Variants in GATA4 observed in about 807,000 individuals in gnomAD.
GATA4 encodes the protein GATA binding protein 4, also known as transcription factor GATA-4.
A neutral mutation model predicts 37.9 loss-of-function variants in GATA4; 7 were observed. The observed-to-expected ratio is 0.18, with a 90% CI of 0.11 to 0.35. The LOEUF (loss-of-function observed/expected upper bound fraction) is 0.35. Among genes scored for constraint, GATA4 ranks in the 10% least tolerant of loss-of-function variants. The pLI, the probability that GATA4 is intolerant of heterozygous loss-of-function variation, is 1.00. For synonymous variants in GATA4, 372 were observed against 292.6 expected (o/e 1.27, Z -2.77); for missense variants, 647 against 653.0 (o/e 0.99, Z 0.10).
chr8:11,681,291 C>T lies in GATA4; in HGVS notation c.-274+4228C>T, dbSNP rs1287465669. On this transcript the variant is annotated intron_variant, in intron 1 of 6. Transcript: ENST00000528712. ...TCCCAGGCCTCCGCACGCTGAGGTT[C>T]CGGGGAAGAGCACTGTCTTCACCAC... The T allele has an allele frequency of 5.1e-6, 5 of 985,454 alleles. No individual in the cohort carries two copies. In the East Asian group the frequency reaches 5.7e-4, roughly 112 times the overall value. 61.0% of individuals were successfully genotyped at this position (985,454 alleles called of 1,614,324 possible).
At chr8:11,696,234 T>C (rs909940845) in intron 1 of GATA4, among the ~76,000 whole-genome samples, 1 of 152,184 alleles carries the variant, frequency 6.6e-6, no homozygotes, top group Non-Finnish European at 1.5e-5. Context: ...ATGAGAATAG[T>C]CCCAGCGCCC....
At chr8:11,740,195 C>T (rs1274214239) in intron 2 of GATA4, among the ~76,000 whole-genome samples, 2 of 152,162 alleles carry the variant, frequency 1.3e-5, no homozygotes, top group African/African-American at 4.8e-5. Context: ...CTGCGTGTGG[C>T]TTTTCTGGAA....
At position 11,759,640 on chromosome 8, in the gene GATA4, G is replaced by T. The variant is rs534277520; in HGVS notation, c.*1165G>T. 2 of 152,494 alleles carry T rather than the reference G, an allele frequency of 1.3e-5. No individual in the cohort carries two copies. Among genetic ancestry groups the T allele is most frequent in the South Asian group, 2.1e-4 (1 of 4,828 alleles). The allele number at this position is 152,494 out of a possible 1,614,324, so 9.4% of individuals were successfully genotyped here. On this transcript the variant is annotated 3_prime_UTR_variant, in exon 7 of 7. Coordinates refer to ENST00000532059, the MANE Select transcript of GATA4 (RefSeq NM_001308093.3). ...ACGACTGCTAAGACACGGCAGGGGG[G>T]CCTGGAGGGAGCCTCCGACTCTGAG...
chr8:11,692,730 G>T, intron 1 of GATA4: 1 of 984,400 alleles, frequency 1.0e-6, no homozygotes, highest in East Asian at 1.1e-4. Context: ...GAGAGCAGGC[G>T]CCGGGACCCA....
At chr8:11,739,074 T>A (rs1222127632) in intron 2 of GATA4, among the ~76,000 whole-genome samples, 1 of 152,206 alleles carries the variant, frequency 6.6e-6, no homozygotes, top group Non-Finnish European at 1.5e-5. Flanking sequence ...GGGACCGAGG[T>A]GGAAAAAGTA....
intron 2 of GATA4, among the ~76,000 whole-genome samples, chr8:11,719,102 G>A (rs1800557490): frequency 6.6e-6 from 1 of 152,160 alleles, no homozygotes; most frequent in Non-Finnish European, 1.5e-5. Flanking sequence ...TCTGATAAAA[G>A]TTTGCTAGTT....
In GATA4 at chr8:11,737,501, A is replaced by C. The variant is rs144817421; in HGVS notation, c.617-11415A>C. Among the ~76,000 whole-genome samples the C allele has an allele frequency of 1.4e-4, 21 of 152,392 alleles. No individual in the cohort carries two copies. In the East Asian group the frequency reaches 2.5e-3, roughly 18 times the overall value. ...AGAGTCAAATGGCCCAGACTAGCCC[A>C]GCTTAAGTCTCCTCTGGCCAAAGCT... On this transcript the variant is annotated intron_variant, in intron 2 of 6. Coordinates refer to ENST00000532059, the MANE Select transcript of GATA4 (RefSeq NM_001308093.3).
At chr8:11,692,835 G>T (rs1251853120) in intron 1 of GATA4, 13 of 981,842 alleles carry the variant, frequency 1.3e-5, no homozygotes, top group Non-Finnish European at 1.6e-5. Flanking sequence ...CAGAGGCGGG[G>T]GCGGCCGGCC....
Position 11,708,644 on chromosome 8 carries a change from C to A in GATA4, c.332C>A (p.Pro111Gln). The A allele has an allele frequency of 1.5e-6, 2 of 1,326,516 alleles. No homozygotes were observed. Among genetic ancestry groups the A allele is most frequent in the African/African-American group, 1.5e-5 (1 of 65,422 alleles). 82.2% of individuals were successfully genotyped at this position (1,326,516 alleles called of 1,614,324 possible). Reference sequence around the variant, plus strand: ...CCGGTGTCGCCGCGCTTCTCCTTCCCGGGGACCACCGGGTCCCTGGCGGCC... The same window carrying A: ...CCGGTGTCGCCGCGCTTCTCCTTCCAGGGGACCACCGGGTCCCTGGCGGCC... ...PPPVSPRFSF[P>Q]GTTGSLAAAA... is the part of the protein sequence containing the mutation. Residue 111 changes from proline (P) to glutamine (Q), a missense_variant, in exon 2 of 7, where the codon CCG becomes CAG. This residue lies in a region of GATA4 where 379 missense variants were observed against 334.5 expected (regional missense o/e 1.13). Coordinates refer to ENST00000532059, the MANE Select transcript of GATA4 (RefSeq NM_001308093.3). The surrounding 1 kb of genome is among the most constrained non-coding windows in gnomAD (Gnocchi z 6.7).
At chr8:11,703,828 G>A (rs533903390), upstream of GATA4, among the ~76,000 whole-genome samples, 9 of 152,354 alleles carry the variant, frequency 5.9e-5, no homozygotes, top group South Asian at 1.2e-3. Flanking sequence ...GAGCCCAAGA[G>A]GTCACCTTCT....
chr8:11,693,198 G>A (rs1054649896), intron 1 of GATA4: 3 of 651,958 alleles, frequency 4.6e-6, no homozygotes, highest in Non-Finnish European at 3.8e-6. Context: ...GGGCGCGGTG[G>A]CGCATATTTG....
intron 2 of GATA4, among the ~76,000 whole-genome samples, chr8:11,742,078 G>C (rs960044924): frequency 2.0e-5 from 3 of 152,058 alleles, no homozygotes; most frequent in Non-Finnish European, 4.4e-5. Flanking sequence ...TCCTCTCCTG[G>C]ACCAGCCTCC....
In GATA4 at chr8:11,684,408, T is replaced by C. The variant is rs554567191; in HGVS notation, c.-274+7345T>C. Among the ~76,000 whole-genome samples, 5 of 152,330 alleles carry C rather than the reference T, an allele frequency of 3.3e-5. No individual in the cohort carries two copies. In the South Asian group the frequency reaches 1.0e-3, roughly 32 times the overall value. On this transcript the variant is annotated intron_variant, in intron 1 of 6. Coordinates refer to the GATA4 transcript ENST00000528712. Reference sequence around the variant, plus strand: ...TGCTTCTCAAAAGTTGAAAATGACATCTTTTTCAAAGATAAAATTTCTCCT... The same window carrying C: ...TGCTTCTCAAAAGTTGAAAATGACACCTTTTTCAAAGATAAAATTTCTCCT...
intron 2 of GATA4, among the ~76,000 whole-genome samples, chr8:11,713,832 C>A (rs114574404): frequency 0.01 from 1,568 of 152,284 alleles, 19 homozygotes; most frequent in African/African-American, 0.036. Context: ...TAGTTCTTGC[C>A]TTGCAGGGCT....
At chr8:11,692,156 C>A, upstream of GATA4, 1 of 485,000 alleles carries the variant, frequency 2.1e-6, no homozygotes, top group South Asian at 8.9e-5. Flanking sequence ...AGGTAACAGC[C>A]CAGCAGCCTC....
intron 1 of GATA4, among the ~76,000 whole-genome samples, chr8:11,706,400 T>A (rs1799892088): frequency 6.6e-6 from 1 of 152,226 alleles, no homozygotes; most frequent in Non-Finnish European, 1.5e-5. Context: ...AGTCAACTGT[T>A]ATTTAGAACT....
At position 11,707,979 on chromosome 8, in the gene GATA4, G is replaced by A. The variant is rs1585593586; in HGVS notation, c.-334G>A. On this transcript the variant is annotated 5_prime_UTR_variant, in exon 2 of 7. Coordinates refer to ENST00000532059, the MANE Select transcript of GATA4 (RefSeq NM_001308093.3). This position sits in a 1 kb window ranked among gnomAD's most constrained non-coding sequence, Gnocchi z 4.7. ...CCGAAGGCTCGTGCGCCACCTCCAG[G>A]CCTGGACGCTGCCCTCCGTCTTCTG... The A allele has an allele frequency of 1.0e-5, 4 of 381,612 alleles. No homozygotes were observed. The East Asian group carries it at 2.6e-4, about 25-fold the overall frequency. The allele number at this position is 381,612 out of a possible 1,614,324, so 23.6% of individuals were successfully genotyped here.
At chr8:11,702,503 G>C (rs561855218), upstream of GATA4, among the ~76,000 whole-genome samples, 29 of 151,516 alleles carry the variant, frequency 1.9e-4, no homozygotes, top group Admixed American at 4.6e-4. This position sits in a 1 kb window ranked among gnomAD's most constrained non-coding sequence, Gnocchi z 4.4. Context: ...GTTTCAAACC[G>C]GGAGCAGGGA....
intron 2 of GATA4, among the ~76,000 whole-genome samples, chr8:11,735,019 C>A (rs1801389570): frequency 6.6e-6 from 1 of 152,066 alleles, no homozygotes; most frequent in Non-Finnish European, 1.5e-5. Flanking sequence ...TAAAGCAGAT[C>A]CACATGTATA....
Sources: gnomAD v4.1 joint callset for allele counts (sites outside exome capture counted in the v4.1 genomes callset) on GRCh38, gnomAD v4.1.1 for gene constraint, gnomAD v4.1.1 regional missense constraint, Gnocchi (gnomAD v3.1) non-coding constraint, MANE v1.5 for transcripts, NCBI Gene and HGNC (gene_info 2026-07-23, HGNC 2026-07-21) for gene names.